The following FGF12 variants were observed in gnomAD, a reference collection of about 807,000 sequenced individuals.
The protein encoded by FGF12 is fibroblast growth factor 12B.
Under a neutral mutation model 23.6 loss-of-function variants are expected in FGF12, and 14 were observed. The observed-to-expected ratio is 0.59, with a 90% CI of 0.39 to 0.93. The LOEUF is 0.93. FGF12 is among the 40% of genes least tolerant of loss of function. The probability of loss-of-function intolerance (pLI) is 0.00; values close to 1 mark genes in which losing one functional copy is unlikely to be tolerated. For synonymous variants in FGF12, 62 were observed against 77.3 expected, an observed-to-expected ratio of 0.80 and a Z score of 1.04; for missense variants, 175 against 217.8, an observed-to-expected ratio of 0.80 and a Z score of 1.24.
chr3:192,332,228 G>A (rs932471643), intron 4 of FGF12, among the ~76,000 whole-genome samples: 3 of 151,990 alleles, frequency 2.0e-5, no homozygotes, highest in Non-Finnish European at 4.4e-5. Context: ...TAAGCTGTTG[G>A]AAAGGAAGAC....
intron 2 of FGF12, among the ~76,000 whole-genome samples, chr3:192,421,986 C>T (rs1473494281): frequency 6.6e-6 from 1 of 151,884 alleles, no homozygotes; most frequent in Admixed American, 6.6e-5. Context: ...CCCAAAACAA[C>T]ATAAAGCTGT....
Position 192,378,026 on chromosome 3 carries a change from T to TTTCTCTTCTTTC in FGF12, c.14-17489_14-17488insGAAAGAAGAGAA, listed in dbSNP as rs1553804997. On this transcript the variant is annotated intron_variant, in intron 2 of 5. Transcript: ENST00000445105. ...GAGATCCCTTTCTTCTGACTCTTTCTTTTCTTTCTTTCTTTCTTTCTTTCT... is the reference window on the plus strand; with the variant it reads ...GAGATCCCTTTCTTCTGACTCTTTCTTTCTCTTCTTTCTTTCTTTCTTTCTTTCTTTCTTTCT... Among the ~76,000 whole-genome samples the TTTCTCTTCTTTC allele has an allele frequency of 2.3e-4, 16 of 69,456 alleles. 2 individuals carry two copies. Among genetic ancestry groups the TTTCTCTTCTTTC allele is most frequent in the African/African-American group, 1.1e-3 (15 of 13,558 alleles). 45.6% of individuals were successfully genotyped at this position (69,456 alleles called of 152,430 possible).
At chr3:192,264,412 C>T (rs930762631) in intron 4 of FGF12, among the ~76,000 whole-genome samples, 1 of 151,492 alleles carries the variant, frequency 6.6e-6, no homozygotes, top group African/African-American at 2.4e-5. Flanking sequence ...AATGTGGAAT[C>T]CAAAAGCGTC....
intron 2 of FGF12, among the ~76,000 whole-genome samples, chr3:192,477,074 C>T (rs1577006740): frequency 2.6e-5 from 4 of 152,240 alleles, no homozygotes; most frequent in Admixed American, 2.6e-4. Context: ...AGCAGCAGAG[C>T]TGTACTAGCT....
At chr3:192,635,580 A>G (rs1381018295) in intron 2 of FGF12, among the ~76,000 whole-genome samples, 2 of 152,242 alleles carry the variant, frequency 1.3e-5, no homozygotes, top group African/African-American at 2.4e-5. Context: ...GTAAGTTTTT[A>G]TAATGCTTAT....
In FGF12 at chr3:192,374,996, G is replaced by T. The variant is rs531989383; in HGVS notation, c.14-14458C>A. On this transcript the variant is annotated intron_variant, in intron 2 of 5. Coordinates refer to ENST00000445105, the MANE Select transcript of FGF12 (RefSeq NM_004113.6). ...TGCAGACATATTTCTGAATTTGGGAGGTAGCCTTCCTATTCATATTTTTGT... is the reference window on the plus strand; with the variant it reads ...TGCAGACATATTTCTGAATTTGGGATGTAGCCTTCCTATTCATATTTTTGT... Among the ~76,000 whole-genome samples the T allele has an allele frequency of 8.5e-5, 13 of 152,208 alleles. No individual in the cohort carries two copies. The South Asian group carries it at 2.7e-3, about 32-fold the overall frequency.
At chr3:192,711,625 G>C (rs944753849) in intron 2 of FGF12, among the ~76,000 whole-genome samples, 8 of 152,206 alleles carry the variant, frequency 5.3e-5, no homozygotes, top group Admixed American at 3.3e-4. Context: ...GCCTTGGGAT[G>C]CTGTTGATCT....
intron 2 of FGF12, among the ~76,000 whole-genome samples, chr3:192,636,505 T>C (rs1157031561): frequency 6.6e-6 from 1 of 152,214 alleles, no homozygotes; most frequent in Non-Finnish European, 1.5e-5. Context: ...AACAAATAGT[T>C]TCATAAATCT....
At chr3:192,196,968 T>C (rs1435353493) in intron 4 of FGF12, among the ~76,000 whole-genome samples, 2 of 152,118 alleles carry the variant, frequency 1.3e-5, no homozygotes, top group East Asian at 3.8e-4. Context: ...AAGAGATCGG[T>C]TATGAGATGC....
intron 4 of FGF12, among the ~76,000 whole-genome samples, chr3:192,201,363 G>A (rs1248546846): frequency 6.6e-6 from 1 of 152,188 alleles, no homozygotes; most frequent in Non-Finnish European, 1.5e-5. Flanking sequence ...GGGCAGGCAA[G>A]GGCAAAGCTT....
In FGF12 at chr3:192,143,793, T is replaced by C. The variant is rs144718924; in HGVS notation, c.*216A>G. ...TTGCTTTTAAGTGTGCTAATCTTTGTGCACGTGAATTTTCTACCACATTGC... is the reference window on the plus strand; with the variant it reads ...TTGCTTTTAAGTGTGCTAATCTTTGCGCACGTGAATTTTCTACCACATTGC... On this transcript the variant is annotated 3_prime_UTR_variant, in exon 6 of 6. Coordinates refer to ENST00000445105, the MANE Select transcript of FGF12 (RefSeq NM_004113.6). 8.7e-4 allele frequency: 426 copies of C among 489,854 alleles called. 4 individuals carry two copies. The East Asian group carries it at 0.014, about 16-fold the overall frequency. 30.3% of individuals were successfully genotyped at this position (489,854 alleles called of 1,614,324 possible). A position where few individuals can be genotyped will look rare whatever the true frequency, so the allele number is the denominator to read the frequency against.
chr3:192,213,996 T>A (rs540706017), intron 4 of FGF12, among the ~76,000 whole-genome samples: 75 of 152,282 alleles, frequency 4.9e-4, no homozygotes, highest in East Asian at 1.2e-3. Flanking sequence ...GGCTTTTTTT[T>A]AAAAAACTGT....
intron 2 of FGF12, among the ~76,000 whole-genome samples, chr3:192,396,136 T>G (rs1017525008): frequency 8.5e-5 from 13 of 152,200 alleles, no homozygotes; most frequent in African/African-American, 3.1e-4. Flanking sequence ...AATTAAGAAA[T>G]TACTGTTTTT....
At chr3:192,682,962 T>C (rs1226919870) in intron 2 of FGF12, among the ~76,000 whole-genome samples, 1 of 152,220 alleles carries the variant, frequency 6.6e-6, no homozygotes, top group African/African-American at 2.4e-5. Flanking sequence ...AAGGGTGACA[T>C]GCTGTCATGG....
chr3:192,409,079 G>C lies in FGF12; in HGVS notation c.14-48541C>G. ...AGAGAGCGGGAGGCGAGGGAGGGGGGAGGGCGCGAGGGAGGGAGGGAGATC... is the reference window on the plus strand; with the variant it reads ...AGAGAGCGGGAGGCGAGGGAGGGGGCAGGGCGCGAGGGAGGGAGGGAGATC... On this transcript the variant is annotated intron_variant, in intron 2 of 5. Coordinates refer to ENST00000445105, the MANE Select transcript of FGF12 (RefSeq NM_004113.6). The surrounding 1 kb of genome is among the most constrained non-coding windows in gnomAD (Gnocchi z 4.8). 2.7e-6 allele frequency: 1 copy of C among 370,528 alleles called. No individual in the cohort carries two copies. The highest frequency in any genetic ancestry group is 3.7e-6 in the Non-Finnish European group (1 of 269,148). 23.0% of individuals were successfully genotyped at this position (370,528 alleles called of 1,614,324 possible).
At chr3:192,424,262 A>T (rs1721624522) in intron 2 of FGF12, among the ~76,000 whole-genome samples, 1 of 152,198 alleles carries the variant, frequency 6.6e-6, no homozygotes, top group Non-Finnish European at 1.5e-5. Context: ...ATAGGAAAAG[A>T]GAGTCATAAT....
rs1290112803 is a variant in FGF12 at position 192,142,680 on chromosome 3, C to T, written c.*1329G>A. 6.6e-6 allele frequency: 1 copy of T among 152,062 alleles called. No individual in the cohort carries two copies. Among genetic ancestry groups the T allele is most frequent in the East Asian group, 1.9e-4 (1 of 5,194 alleles). The allele number at this position is 152,062 out of a possible 1,614,324, so 9.4% of individuals were successfully genotyped here. On this transcript the variant is annotated 3_prime_UTR_variant, in exon 6 of 6. Transcript: ENST00000445105. ...AGTTCTTTTTTGCTCCTTTCAGCTGCTCACACAATCCTGTCTGTTGGAGTC... is the reference window on the plus strand; with the variant it reads ...AGTTCTTTTTTGCTCCTTTCAGCTGTTCACACAATCCTGTCTGTTGGAGTC...
intron 4 of FGF12, among the ~76,000 whole-genome samples, chr3:192,232,472 T>G (rs931690088): frequency 2.0e-5 from 3 of 152,092 alleles, no homozygotes; most frequent in Non-Finnish European, 2.9e-5. Context: ...TAGTCAACCC[T>G]AGCAAGTGAA....
At chr3:192,350,667 G>C (rs984186317) in intron 3 of FGF12, among the ~76,000 whole-genome samples, 1 of 152,144 alleles carries the variant, frequency 6.6e-6, no homozygotes, top group Admixed American at 6.5e-5. Flanking sequence ...TGGTTGGTGT[G>C]TTTGAGGAAC....
Sources: gnomAD v4.1 joint callset for allele counts (sites outside exome capture counted in the v4.1 genomes callset) on GRCh38, gnomAD v4.1.1 for gene constraint, Gnocchi (gnomAD v3.1) non-coding constraint, MANE v1.5 for transcripts, NCBI Gene and HGNC (gene_info 2026-07-23, HGNC 2026-07-21) for gene names.